Variants in HEXB observed in about 807,000 individuals in gnomAD.
HEXB encodes hexosaminidase subunit beta.
A neutral mutation model predicts 71.2 loss-of-function variants in HEXB; 51 were observed. The ratio of observed to expected loss-of-function variants is 0.72; its 90% CI spans 0.57 to 0.90. HEXB has a LOEUF of 0.90. Ranked by LOEUF, HEXB falls within the 40% of genes least tolerant of loss-of-function variation. HEXB has a pLI of 0.00. For synonymous variants in HEXB, 266 were observed against 249.3 expected (o/e 1.07, Z -0.63); for missense variants, 617 against 677.0 (o/e 0.91, Z 0.98).
chr5:74,661,509 CTCTCTGTGTGTGTGTGTGTG>C (rs1164749457), intron 1 of HEXB, among the ~76,000 whole-genome samples: 7 of 71,444 alleles, frequency 9.8e-5, no homozygotes, highest in East Asian at 4.5e-4. Flanking sequence ...CATTTTCTCT[CTCTCTGTGTGTGTGTGTGTG>C]TGTGTGTGTG....
intron 1 of HEXB, among the ~76,000 whole-genome samples, chr5:74,650,605 T>G (rs1748084270): frequency 6.6e-6 from 1 of 152,060 alleles, no homozygotes. Context: ...GTTACTACTT[T>G]GCCGAATATG....
intron 6 of HEXB, among the ~76,000 whole-genome samples, chr5:74,708,166 C>T (rs1294649177): frequency 6.6e-6 from 1 of 151,684 alleles, no homozygotes; most frequent in Non-Finnish European, 1.5e-5. Context: ...ATTTTCAACC[C>T]AGAATTTCAT....
intron 1 of HEXB, among the ~76,000 whole-genome samples, chr5:74,673,555 C>G (rs1748578843): frequency 6.6e-6 from 1 of 152,134 alleles, no homozygotes; most frequent in East Asian, 1.9e-4. Flanking sequence ...CTCCCCTCCT[C>G]CCAGTGTGTC....
chr5:74,701,515 C>G (rs913519898), intron 5 of HEXB, among the ~76,000 whole-genome samples: 3 of 152,018 alleles, frequency 2.0e-5, no homozygotes, highest in Admixed American at 1.3e-4. Flanking sequence ...ATACTAAATT[C>G]CAATAAATAT....
chr5:74,701,325 A>G (rs545594443), intron 5 of HEXB, among the ~76,000 whole-genome samples: 15 of 152,278 alleles, frequency 9.9e-5, no homozygotes, highest in Admixed American at 9.8e-4. Flanking sequence ...GTATCATTAT[A>G]CTTTTTCTTA....
chr5:74,643,211 G>C (rs967451349), intron 1 of HEXB, among the ~76,000 whole-genome samples: 1 of 152,166 alleles, frequency 6.6e-6, no homozygotes, highest in Non-Finnish European at 1.5e-5. Context: ...GCTTATCTCA[G>C]CTGAAAATGA....
rs1749856169 is a variant in HEXB, at chr5:74,721,244, A to AAGAT, written c.*71_*74dup. The AAGAT allele has an allele frequency of 5.8e-6, 7 of 1,216,020 alleles. No individual in the cohort carries two copies. In the Admixed American group the frequency reaches 1.2e-4, roughly 21 times the overall value. The allele number at this position is 1,216,020 out of a possible 1,614,324, so 75.3% of individuals were successfully genotyped here. A position where few individuals can be genotyped will look rare whatever the true frequency, so the allele number is the denominator to read the frequency against. ...ACTTTATTTTGAAATCATGTAAAAT[A>AAGAT]AGATATTAGACTGTTTTTTGAATAA... On this transcript the variant is annotated 3_prime_UTR_variant, in exon 14 of 14. Coordinates refer to ENST00000261416, the MANE Select transcript of HEXB (RefSeq NM_000521.4).
chr5:74,702,353 C>G (rs1221616324), intron 5 of HEXB, among the ~76,000 whole-genome samples: 1 of 152,100 alleles, frequency 6.6e-6, no homozygotes, highest in Non-Finnish European at 1.5e-5. Context: ...GCTGGGATTA[C>G]AGGCGTGAGC....
rs996822279 is a variant in HEXB, at chr5:74,700,681, T to C, written c.669+3575T>C. 2.6e-5 allele frequency among the ~76,000 whole-genome samples: 4 copies of C among 152,304 alleles called. No individual in the cohort carries two copies. In the East Asian group the frequency reaches 7.7e-4, roughly 29 times the overall value. Reference sequence around the variant, plus strand: ...AAATTTGTTTTAATAACTGTGTTTATAATGCCTGTAGACATTTACATTTTA... The same window carrying C: ...AAATTTGTTTTAATAACTGTGTTTACAATGCCTGTAGACATTTACATTTTA... On this transcript the variant is annotated intron_variant, in intron 5 of 13. Coordinates refer to ENST00000261416, the MANE Select transcript of HEXB (RefSeq NM_000521.4).
intron 1 of HEXB, 42 bp downstream of exon 1, chr5:74,685,601 G>A (rs369818194): frequency 6.6e-7 from 1 of 1,506,100 alleles, no homozygotes; most frequent in African/African-American, 1.4e-5. Context: ...CTGGGGGAGG[G>A]GAGAGGCGGA....
At chr5:74,701,116 C>T (rs574761743) in intron 5 of HEXB, among the ~76,000 whole-genome samples, 2 of 151,760 alleles carry the variant, frequency 1.3e-5, no homozygotes, top group South Asian at 4.2e-4. Context: ...CTCCTGAGCT[C>T]AGGCGATCCA....
At chr5:74,657,441 T>G (rs980402986) in intron 1 of HEXB, among the ~76,000 whole-genome samples, 1 of 152,176 alleles carries the variant, frequency 6.6e-6, no homozygotes, top group African/African-American at 2.4e-5. Flanking sequence ...GAGCTCCTGG[T>G]CTAAAATAGC....
chr5:74,681,374 CA>C (rs566775532), upstream of HEXB, among the ~76,000 whole-genome samples: 3 of 151,968 alleles, frequency 2.0e-5, no homozygotes, highest in African/African-American at 7.3e-5. Context: ...CTCCCCAGAA[CA>C]AAAAACCATC....
intron 1 of HEXB, among the ~76,000 whole-genome samples, chr5:74,651,200 A>C (rs1029924000): frequency 3.9e-5 from 6 of 152,202 alleles, no homozygotes; most frequent in Non-Finnish European, 5.9e-5. Flanking sequence ...AGTCTGAGAG[A>C]ATAAATACTT....
rs7737933 is a variant in HEXB at position 74,644,144 on chromosome 5, G to A, written c.-377+3586G>A. 4.3e-3 allele frequency among the ~76,000 whole-genome samples: 649 copies of A among 152,380 alleles called. 5 individuals carry two copies. The highest frequency in any genetic ancestry group is 0.015 in the African/African-American group (615 of 41,588). On this transcript the variant is annotated intron_variant, in intron 1 of 13. Transcript: ENST00000511181. ...TGCGATCAACATCCCTGAAGGGGAA[G>A]GGAGGGAAGCAGGGTGGACAGATGG...
At chr5:74,669,518 A>G (rs1561207709) in intron 1 of HEXB, among the ~76,000 whole-genome samples, 1 of 152,166 alleles carries the variant, frequency 6.6e-6, no homozygotes, top group Non-Finnish European at 1.5e-5. Flanking sequence ...TTTGCTATTT[A>G]TTGAAAATCC....
At chr5:74,713,732 C>G in intron 7 of HEXB, 97 bp downstream of exon 7, 1 of 963,112 alleles carries the variant, frequency 1.0e-6, no homozygotes, top group East Asian at 2.6e-5. Flanking sequence ...AGTACAATCT[C>G]GGCTCACTGC....
chr5:74,687,621 G>A (rs1262280587), intron 1 of HEXB, among the ~76,000 whole-genome samples: 1 of 152,098 alleles, frequency 6.6e-6, no homozygotes, highest in Non-Finnish European at 1.5e-5. Context: ...CTAGGGTCAA[G>A]GTTCTAAGCC....
chr5:74,696,100 A>T (rs899566592), intron 3 of HEXB, among the ~76,000 whole-genome samples: 1 of 152,206 alleles, frequency 6.6e-6, no homozygotes, highest in Non-Finnish European at 1.5e-5. Flanking sequence ...TTCCCTGGCT[A>T]TATAGCTGTC....
Sources: gnomAD v4.1 joint callset for allele counts (sites outside exome capture counted in the v4.1 genomes callset) on GRCh38, gnomAD v4.1.1 for gene constraint, MANE v1.5 for transcripts, NCBI Gene and HGNC (gene_info 2026-07-23, HGNC 2026-07-21) for gene names.